ZNF493: variants seen among roughly 807,000 people sequenced by gnomAD.
ZNF493 encodes zinc finger protein 493.
Under a neutral mutation model 12.2 loss-of-function variants are expected in ZNF493, and 11 were observed. That is an observed-to-expected ratio of 0.90 (90% confidence interval 0.57 to 1.50). ZNF493 has a LOEUF of 1.50. Among genes scored for constraint, ZNF493 ranks in the 40% most tolerant of loss-of-function variants. The probability of loss-of-function intolerance (pLI) is 0.00; values close to 1 mark genes in which losing one functional copy is unlikely to be tolerated. For missense variants in ZNF493, 950 were observed against 906.6 expected (o/e 1.05, Z -0.61); for synonymous variants, 286 against 302.6 (o/e 0.95, Z 0.57).
intron 3 of ZNF493, chr19:21,413,129 C>T (rs1599374130): frequency 3.4e-6 from 1 of 297,358 alleles, no homozygotes; most frequent in Non-Finnish European, 6.4e-6. Flanking sequence ...TGTGCAGCAC[C>T]TCTGCCTGTT....
rs1262339133 is a variant in ZNF493, at chr19:21,426,576, TA to T, written c.*1593del. The T allele has an allele frequency of 1.2e-5, 2 of 167,028 alleles. No individual in the cohort carries two copies. Among genetic ancestry groups the T allele is most frequent in the Non-Finnish European group, 2.9e-5 (2 of 68,070 alleles). The allele number at this position is 167,028 out of a possible 1,614,324, so 10.3% of individuals were successfully genotyped here. A position where few individuals can be genotyped will look rare whatever the true frequency, so the allele number is the denominator to read the frequency against. Reference sequence around the variant, plus strand: ...AGATCTTATTGTCCACATTTTGTACTACAGAAAAACTCTGAAGAGGTCACTC... The same window carrying T: ...AGATCTTATTGTCCACATTTTGTACTCAGAAAAACTCTGAAGAGGTCACTC... On this transcript the variant is annotated 3_prime_UTR_variant, in exon 4 of 4. Transcript: ENST00000392288.
chr19:21,402,379 A>G (rs926543811), intron 1 of ZNF493, among the ~76,000 whole-genome samples: 1 of 152,228 alleles, frequency 6.6e-6, no homozygotes, highest in Non-Finnish European at 1.5e-5. Context: ...CCAAGGTTAT[A>G]ATCCTCAAGC....
chr19:21,422,533 G>A (rs934579901), intron 3 of ZNF493, among the ~76,000 whole-genome samples: 5 of 150,042 alleles, frequency 3.3e-5, no homozygotes, highest in African/African-American at 1.2e-4. Flanking sequence ...TGCAATCTTG[G>A]TTCACTGGTA....
chr19:21,406,206 G>A (rs1190555804), intron 3 of ZNF493, among the ~76,000 whole-genome samples: 1 of 143,202 alleles, frequency 7.0e-6, no homozygotes, highest in East Asian at 2.1e-4. Context: ...TGGGGGACAA[G>A]AGTGAGACTT....
chr19:21,401,402 C>T (rs2029939052), intron 1 of ZNF493, among the ~76,000 whole-genome samples: 1 of 151,984 alleles, frequency 6.6e-6, no homozygotes, highest in South Asian at 2.1e-4. Flanking sequence ...AAATATTGGC[C>T]TCAAGGTTTC....
chr19:21,425,279 A>C lies in ZNF493; in HGVS notation c.*295A>C. On this transcript the variant is annotated 3_prime_UTR_variant, in exon 4 of 4. Transcript: ENST00000392288. ...CCATAGAGAAATCCTACAAATATGAAGAATGTGACAAAGCTTTTAACCACT... is the reference window on the plus strand; with the variant it reads ...CCATAGAGAAATCCTACAAATATGACGAATGTGACAAAGCTTTTAACCACT... 2.1e-6 allele frequency: 1 copy of C among 472,182 alleles called. No homozygotes were observed. The allele number at this position is 472,182 out of a possible 1,614,324, so 29.2% of individuals were successfully genotyped here. A position where few individuals can be genotyped will look rare whatever the true frequency, so the allele number is the denominator to read the frequency against.
Position 21,425,436 on chromosome 19 carries a change from T to C in ZNF493, c.*452T>C. ...AATAATTCATAAAGGAGATAAATTA[T>C]ACAAATGTGAAGAATGTGGCAAAGC... On this transcript the variant is annotated 3_prime_UTR_variant, in exon 4 of 4. Coordinates refer to ENST00000392288, the MANE Select transcript of ZNF493 (RefSeq NM_001076678.3). The C allele has an allele frequency of 2.2e-6, 1 of 456,278 alleles. No individual in the cohort carries two copies. Among genetic ancestry groups the C allele is most frequent in the South Asian group, 2.0e-5 (1 of 50,136 alleles). The allele number at this position is 456,278 out of a possible 1,614,324, so 28.3% of individuals were successfully genotyped here. A position where few individuals can be genotyped will look rare whatever the true frequency, so the allele number is the denominator to read the frequency against.
chr19:21,408,529 T>C, intron 3 of ZNF493: 4 of 984,158 alleles, frequency 4.1e-6, no homozygotes, highest in Non-Finnish European at 4.8e-6. Flanking sequence ...TTTTTCAAAA[T>C]ACCTGCTTTT....
In ZNF493 at chr19:21,424,977, A is replaced by C; in HGVS notation, c.2318A>C (p.Gln773Pro). The change falls in exon 4 of 4, where the codon CAA becomes CCA. Residue 773 changes from glutamine to proline, a missense_variant. Coordinates refer to ENST00000392288, the MANE Select transcript of ZNF493 (RefSeq NM_001076678.3). The stretch of plus-strand genomic sequence containing the variant: ...GGAATTCATACTGAAGAGACTGTAC[A>C]AAAGTGAAGAATGTGGCAAAGGCCT... ...HIGIHTEETVQK is the reference protein window; with the variant it reads ...HIGIHTEETVPK The C allele has an allele frequency of 6.3e-7, 1 of 1,585,288 alleles. No homozygotes were observed. The highest frequency in any genetic ancestry group is 8.6e-7 in the Non-Finnish European group (1 of 1,168,510).
intron 1 of ZNF493, among the ~76,000 whole-genome samples, chr19:21,401,706 A>C (rs6511238): frequency 0.58 from 87,601 of 151,132 alleles, 25,706 homozygotes; most frequent in Middle Eastern, 0.68. Flanking sequence ...GCTCACTGCA[A>C]CCTCCACCTC....
At chr19:21,410,589 G>A (rs1012541878) in intron 3 of ZNF493, among the ~76,000 whole-genome samples, 1 of 151,978 alleles carries the variant, frequency 6.6e-6, no homozygotes, top group Non-Finnish European at 1.5e-5. Context: ...CATATGTTAT[G>A]AATATTAACT....
intron 3 of ZNF493, among the ~76,000 whole-genome samples, chr19:21,419,536 A>C (rs1425924352): frequency 6.6e-6 from 1 of 152,094 alleles, no homozygotes; most frequent in Admixed American, 6.5e-5. Context: ...CACGGGAGAA[A>C]GATGAAGGCT....
rs2030743921 is a variant in ZNF493 at position 21,423,407 on chromosome 19, T to C, written c.748T>C (p.Ser250Pro). The C allele has an allele frequency of 3.1e-6, 5 of 1,613,614 alleles. No individual in the cohort carries two copies. Among genetic ancestry groups the C allele is most frequent in the Non-Finnish European group, 3.4e-6 (4 of 1,179,860 alleles). ...YECGKSFNQDSNLTTHKRIHT... is the reference protein window; with the variant it reads ...YECGKSFNQDPNLTTHKRIHT... ...ATGTGGCAAATCTTTTAACCAGGACTCAAACCTTACTACACATAAGAGAAT... is the reference window on the plus strand; with the variant it reads ...ATGTGGCAAATCTTTTAACCAGGACCCAAACCTTACTACACATAAGAGAAT... The change falls in exon 4 of 4, where the codon TCA becomes CCA. Residue 250 changes from serine to proline, a missense_variant. Physicochemically the swap from Ser to Pro is moderately conservative, Grantham distance 74. Coordinates refer to ENST00000392288, the MANE Select transcript of ZNF493 (RefSeq NM_001076678.3).
At position 21,423,387 on chromosome 19, in the gene ZNF493, G is replaced by A. The variant is rs1423862060; in HGVS notation, c.728G>A (p.Gly243Asp). Residue 243 changes from glycine (G) to aspartate (D), a missense_variant, in exon 4 of 4, where the codon GGC (glycine) becomes GAC (aspartate). By Grantham distance (94) the Gly-to-Asp change is moderately conservative (BLOSUM62 -1). Transcript: ENST00000392288. ...GAGAAATCCTACAAATATGAATGTG[G>A]CAAATCTTTTAACCAGGACTCAAAC... ...TGEKSYKYEC[G>D]KSFNQDSNLT... 7.4e-6 allele frequency: 12 copies of A among 1,613,492 alleles called. No homozygotes were observed. Among genetic ancestry groups the A allele is most frequent in the Non-Finnish European group, 9.3e-6 (11 of 1,179,804 alleles).
At chr19:21,407,704 G>T in intron 3 of ZNF493, 1 of 975,478 alleles carries the variant, frequency 1.0e-6, no homozygotes, top group Non-Finnish European at 1.2e-6. Flanking sequence ...TGTATTATTA[G>T]TTTAGACAAA....
At chr19:21,410,382 A>T (rs185662690) in intron 3 of ZNF493, among the ~76,000 whole-genome samples, 2 of 152,200 alleles carry the variant, frequency 1.3e-5, no homozygotes, top group Admixed American at 6.5e-5. Context: ...GTGTGCTTAA[A>T]ATTTTATAGT....
rs2030866109 is a variant in ZNF493 at position 21,426,765 on chromosome 19, A to C, written c.*1781A>C. On this transcript the variant is annotated 3_prime_UTR_variant, in exon 4 of 4. Coordinates refer to ENST00000392288, the MANE Select transcript of ZNF493 (RefSeq NM_001076678.3). ...AAAAATAAAAAAAATTTTAATCCAAATTTGTCTATGTAAATACCAGAATTT... is the reference window on the plus strand; with the variant it reads ...AAAAATAAAAAAAATTTTAATCCAACTTTGTCTATGTAAATACCAGAATTT... 6.0e-6 allele frequency: 1 copy of C among 167,026 alleles called. No individual in the cohort carries two copies. Among genetic ancestry groups the C allele is most frequent in the Admixed American group, 6.5e-5 (1 of 15,280 alleles). The allele number at this position is 167,026 out of a possible 1,614,324, so 10.3% of individuals were successfully genotyped here.
intron 3 of ZNF493, among the ~76,000 whole-genome samples, chr19:21,416,381 G>A (rs898999557): frequency 2.0e-5 from 3 of 152,090 alleles, no homozygotes; most frequent in Admixed American, 6.5e-5. Flanking sequence ...AAATTTATAG[G>A]TACAGAAGTT....
intron 3 of ZNF493, among the ~76,000 whole-genome samples, chr19:21,410,153 T>C (rs1448175067): frequency 2.0e-5 from 3 of 150,906 alleles, no homozygotes; most frequent in Non-Finnish European, 2.9e-5. Context: ...CCTTTGGCTT[T>C]TGTGAATACG....
Sources: gnomAD v4.1 joint callset for allele counts (sites outside exome capture counted in the v4.1 genomes callset) on GRCh38, gnomAD v4.1.1 for gene constraint, MANE v1.5 for transcripts, NCBI Gene and HGNC (gene_info 2026-07-23, HGNC 2026-07-21) for gene names.